SATB2: variants seen among roughly 807,000 people sequenced by gnomAD.
SATB2 encodes the protein DNA-binding protein SATB2.
In SATB2, 1 loss-of-function variant was observed where a neutral mutation model predicts 73.4. The ratio of observed to expected loss-of-function variants is 0.01; its 90% CI spans 0.00 to 0.06. The LOEUF (loss-of-function observed/expected upper bound fraction) is 0.06. Among genes scored for constraint, SATB2 ranks in the 10% least tolerant of loss-of-function variants. The pLI, the probability that SATB2 is intolerant of heterozygous loss-of-function variation, is 1.00. For synonymous variants in SATB2, 397 were observed against 367.0 expected, an observed-to-expected ratio of 1.08 and a Z score of -0.93; for missense variants, 459 against 945.8, an observed-to-expected ratio of 0.49 and a Z score of 6.75.
chr2:199,332,765 A>T (rs1030209035), intron 7 of SATB2, among the ~76,000 whole-genome samples: 1 of 152,106 alleles, frequency 6.6e-6, no homozygotes, highest in Admixed American at 6.6e-5. Flanking sequence ...TAGCATGTAC[A>T]ATATATGCTG....
chr2:199,459,220 G>A (rs1013016033), upstream of SATB2, among the ~76,000 whole-genome samples: 2 of 151,990 alleles, frequency 1.3e-5, no homozygotes, highest in African/African-American at 2.4e-5. This position sits in a 1 kb window ranked among gnomAD's most constrained non-coding sequence, Gnocchi z 4.2. Flanking sequence ...ACAGAGCTGT[G>A]CCCTGAGGAC....
intron 5 of SATB2, among the ~76,000 whole-genome samples, chr2:199,376,214 A>G (rs1234225932): frequency 1.3e-5 from 2 of 152,174 alleles, no homozygotes. Context: ...ACCCAAATCT[A>G]AACAACAGAT....
upstream of SATB2, among the ~76,000 whole-genome samples, chr2:199,459,227 G>C (rs1692402064): frequency 6.6e-6 from 1 of 151,998 alleles, no homozygotes; most frequent in Non-Finnish European, 1.5e-5. The surrounding 1 kb of genome is among the most constrained non-coding windows in gnomAD (Gnocchi z 4.2). Flanking sequence ...TGTGCCCTGA[G>C]GACCCGGCCT....
chr2:199,316,618 TGA>T (rs1687742179), intron 9 of SATB2, among the ~76,000 whole-genome samples: 1 of 152,074 alleles, frequency 6.6e-6, no homozygotes, highest in Non-Finnish European at 1.5e-5. Context: ...AGTCTGTAAT[TGA>T]GAGTAATGAA....
chr2:199,284,945 T>G (rs1692641433), intron 10 of SATB2, among the ~76,000 whole-genome samples: 1 of 152,130 alleles, frequency 6.6e-6, no homozygotes, highest in Non-Finnish European at 1.5e-5. Context: ...GAAGGATGTA[T>G]GTACATTACA....
At chr2:199,312,410 T>C (rs894044802) in intron 9 of SATB2, among the ~76,000 whole-genome samples, 1 of 152,194 alleles carries the variant, frequency 6.6e-6, no homozygotes, top group African/African-American at 2.4e-5. Context: ...ATTTAGCTTT[T>C]ACAGTCTGGT....
intron 10 of SATB2, among the ~76,000 whole-genome samples, chr2:199,283,230 C>T (rs957124553): frequency 4.9e-4 from 74 of 150,210 alleles, no homozygotes; most frequent in African/African-American, 1.7e-3. Context: ...AATACAGGCG[C>T]CCGCCACCAT....
In SATB2 at chr2:199,355,712, G is replaced by A. The variant is rs191068899; in HGVS notation, c.701-6539C>T. Among the ~76,000 whole-genome samples the A allele has an allele frequency of 2.4e-3, 367 of 152,128 alleles. 7 individuals carry two copies. The highest frequency in any genetic ancestry group is 0.022 in the Admixed American group (343 of 15,252). On this transcript the variant is annotated intron_variant, in intron 6 of 10. Coordinates refer to ENST00000417098, the MANE Select transcript of SATB2 (RefSeq NM_001172509.2). ...GTAACCTTCCAGGTTACTTATCTAA[G>A]AGCATCTTTAAAAGTACCGTTTTAA...
chr2:199,458,351 G>A, upstream of SATB2: 1 of 274,378 alleles, frequency 3.6e-6, no homozygotes, highest in Non-Finnish European at 7.3e-6. Context: ...GGGCGGGTGG[G>A]AGGCAGGGAG....
At chr2:199,339,999 G>A (rs971400346) in intron 7 of SATB2, among the ~76,000 whole-genome samples, 4 of 152,118 alleles carry the variant, frequency 2.6e-5, no homozygotes, top group Non-Finnish European at 5.9e-5. Flanking sequence ...ATAATTTGGG[G>A]CATGAATATA....
chr2:199,439,221 A>C (rs2105935554), intron 2 of SATB2, among the ~76,000 whole-genome samples: 1 of 152,374 alleles, frequency 6.6e-6, no homozygotes, highest in South Asian at 2.1e-4. Flanking sequence ...GTAAATCAGC[A>C]CTGTCTCCAG....
chr2:199,462,830 G>C (rs1692507121), upstream of SATB2, among the ~76,000 whole-genome samples: 1 of 152,090 alleles, frequency 6.6e-6, no homozygotes, highest in African/African-American at 2.4e-5. This position sits in a 1 kb window ranked among gnomAD's most constrained non-coding sequence, Gnocchi z 5.9. Context: ...GCGCTAGGCG[G>C]TGAGCCTAGC....
upstream of SATB2, chr2:199,459,518 C>T (rs538808329): frequency 6.6e-6 from 1 of 152,506 alleles, no homozygotes; most frequent in South Asian, 2.1e-4. The surrounding 1 kb of genome is among the most constrained non-coding windows in gnomAD (Gnocchi z 4.2). Flanking sequence ...GGACATTAGC[C>T]GCTAGGACCT....
At chr2:199,313,326 C>T (rs910931946) in intron 9 of SATB2, among the ~76,000 whole-genome samples, 5 of 151,930 alleles carry the variant, frequency 3.3e-5, no homozygotes, top group Admixed American at 1.3e-4. Context: ...ATACATGGAG[C>T]CTAAGTGTAA....
At chr2:199,339,521 A>C (rs1688441045) in intron 7 of SATB2, among the ~76,000 whole-genome samples, 1 of 152,102 alleles carries the variant, frequency 6.6e-6, no homozygotes, top group Non-Finnish European at 1.5e-5. Context: ...GGCATTTCAT[A>C]TTTACAGCTC....
chr2:199,391,711 T>C (rs955900710), intron 3 of SATB2, among the ~76,000 whole-genome samples: 3 of 152,168 alleles, frequency 2.0e-5, no homozygotes, highest in Non-Finnish European at 4.4e-5. Flanking sequence ...GGAGGTGTTC[T>C]CTCGGTAAGC....
chr2:199,379,371 T>C (rs1158038310), intron 5 of SATB2, among the ~76,000 whole-genome samples: 1 of 152,214 alleles, frequency 6.6e-6, no homozygotes, highest in Non-Finnish European at 1.5e-5. Context: ...ATGTATATGA[T>C]GTAAAGATCA....
chr2:199,306,087 T>C (rs1173472554), intron 10 of SATB2, among the ~76,000 whole-genome samples: 1 of 152,170 alleles, frequency 6.6e-6, no homozygotes, highest in African/African-American at 2.4e-5. Flanking sequence ...TTAGTTGATA[T>C]GAAAGGCCCA....
chr2:199,446,881 T>C (rs1223725837), intron 2 of SATB2, among the ~76,000 whole-genome samples: 2 of 152,222 alleles, frequency 1.3e-5, no homozygotes, highest in African/African-American at 4.8e-5. Context: ...TTTCATTTTG[T>C]CACCTCAGGA....
Sources: allele counts gnomAD v4.1 joint callset (sites outside exome capture counted in the v4.1 genomes callset), GRCh38; gene constraint gnomAD v4.1.1; non-coding constraint Gnocchi (gnomAD v3.1); transcripts MANE v1.5; gene names NCBI Gene and HGNC (gene_info 2026-07-23, HGNC 2026-07-21).